Variants in RTTN observed in about 807,000 individuals in gnomAD.
The protein encoded by RTTN is rotatin.
A neutral mutation model predicts 269.2 loss-of-function variants in RTTN; 182 were observed. The observed-to-expected ratio is 0.68, with a 90% CI of 0.60 to 0.76. The LOEUF (loss-of-function observed/expected upper bound fraction) is 0.76. Among genes scored for constraint, RTTN ranks in the 30% least tolerant of loss-of-function variants. The pLI is 0.00. For missense variants in RTTN, 2,545 were observed against 2,608.6 expected (o/e 0.98, Z 0.53); for synonymous variants, 1,006 against 963.5 (o/e 1.04, Z -0.82).
chr18:70,202,967 CT>C (rs35542740), intron 3 of RTTN, among the ~76,000 whole-genome samples: 9,258 of 140,334 alleles, frequency 0.066, 256 homozygotes, highest in Admixed American at 0.11. Flanking sequence ...AGCATCAAAA[CT>C]TTTTTTTTTT....
chr18:70,106,582 A>T (rs902259639), intron 28 of RTTN, among the ~76,000 whole-genome samples: 22 of 152,170 alleles, frequency 1.4e-4, no homozygotes, highest in African/African-American at 5.1e-4. Flanking sequence ...AGTCTTTTTA[A>T]AGTGCATTTT....
intron 8 of RTTN, among the ~76,000 whole-genome samples, chr18:70,192,587 G>A (rs995288697): frequency 8.8e-5 from 13 of 147,522 alleles, no homozygotes; most frequent in African/African-American, 3.0e-4. Context: ...AGGCTGAGGC[G>A]AAAGGATCAC....
intron 43 of RTTN, 69 bp from the exon 44 acceptor site, chr18:70,024,917 A>C: frequency 6.5e-7 from 1 of 1,535,168 alleles, no homozygotes; most frequent in Non-Finnish European, 8.9e-7. Flanking sequence ...AATCAAAACA[A>C]CAACAGAAAG....
chr18:70,092,376 ATTT>A (rs1568364376), intron 29 of RTTN, among the ~76,000 whole-genome samples, 156 bp from the exon 30 acceptor site: 2 of 152,238 alleles, frequency 1.3e-5, no homozygotes, highest in African/African-American at 4.8e-5. Context: ...AAACAAAAAA[ATTT>A]GTTTCTCTTT....
intron 14 of RTTN, among the ~76,000 whole-genome samples, chr18:70,162,304 T>C (rs919945436): frequency 1.3e-5 from 2 of 152,060 alleles, no homozygotes; most frequent in African/African-American, 2.4e-5. Flanking sequence ...AACTAAACAC[T>C]GCGTATACAC....
rs559754166 is a variant in RTTN, at chr18:70,050,619, C to T, written c.5323+792G>A. On this transcript the variant is annotated intron_variant, in intron 39 of 48. Transcript: ENST00000640769. ...AATCATCCTACTGTAAAGACAAATG[C>T]ACACATATGTTTACTGTGGCACTGT... Among the ~76,000 whole-genome samples, 25 of 152,308 alleles carry T rather than the reference C, an allele frequency of 1.6e-4. No individual in the cohort carries two copies. In the South Asian group the frequency reaches 4.8e-3, roughly 29 times the overall value.
At chr18:70,103,584 T>G (rs1248956591) in intron 28 of RTTN, among the ~76,000 whole-genome samples, 1 of 151,748 alleles carries the variant, frequency 6.6e-6, no homozygotes, top group Non-Finnish European at 1.5e-5. Context: ...TCACCACCAC[T>G]CCCTAATCTC....
At chr18:70,182,870 A>C (rs2061451674) in intron 10 of RTTN, among the ~76,000 whole-genome samples, 1 of 152,188 alleles carries the variant, frequency 6.6e-6, no homozygotes, top group Non-Finnish European at 1.5e-5. Context: ...ACTCTACTGA[A>C]ATACAAACAG....
intron 27 of RTTN, among the ~76,000 whole-genome samples, chr18:70,112,576 CT>C (rs1470482401): frequency 6.7e-6 from 1 of 149,318 alleles, no homozygotes; most frequent in South Asian, 2.2e-4. Flanking sequence ...AAGAAGGGCA[CT>C]ACATAATGAT....
At chr18:70,105,721 A>G (rs2059304161) in intron 28 of RTTN, among the ~76,000 whole-genome samples, 1 of 152,204 alleles carries the variant, frequency 6.6e-6, no homozygotes, top group South Asian at 2.1e-4. Flanking sequence ...AACTTGTTTT[A>G]AAAACAATAT....
At chr18:70,166,561 G>A (rs578165108) in intron 13 of RTTN, 82 of 201,240 alleles carry the variant, frequency 4.1e-4, no homozygotes, top group African/African-American at 1.9e-3. Flanking sequence ...TAAGAAAAAG[G>A]TACAAAGTAA....
rs139958653 is a variant in RTTN at position 70,197,842 on chromosome 18, C to A, written c.579-104G>T. 1.0e-3 allele frequency: 725 copies of A among 715,974 alleles called. 3 individuals carry two copies. In the African/African-American group the frequency reaches 0.01, roughly 10 times the overall value. The allele number at this position is 715,974 out of a possible 1,614,324, so 44.4% of individuals were successfully genotyped here. A position where few individuals can be genotyped will look rare whatever the true frequency, so the allele number is the denominator to read the frequency against. ...CCATTAACAATCTTTTGGGTCTCAGCTGAGATATCACTTCTCCAGAAAAGC... is the reference window on the plus strand; with the variant it reads ...CCATTAACAATCTTTTGGGTCTCAGATGAGATATCACTTCTCCAGAAAAGC... On this transcript the variant is annotated intron_variant, in intron 5 of 48. Transcript: ENST00000640769.
At chr18:70,108,353 G>C (rs1175870753) in intron 28 of RTTN, among the ~76,000 whole-genome samples, 1 of 151,386 alleles carries the variant, frequency 6.6e-6, no homozygotes, top group Admixed American at 6.6e-5. Context: ...ATTGTTTCAC[G>C]ATCAAATTCT....
intron 27 of RTTN, 32 bp downstream of exon 27, chr18:70,114,413 T>A: frequency 6.3e-7 from 1 of 1,589,200 alleles, no homozygotes; most frequent in Non-Finnish European, 8.6e-7. Context: ...TCTATATAAA[T>A]GCACCTAAAC....
intron 8 of RTTN, among the ~76,000 whole-genome samples, chr18:70,191,349 T>C (rs950555875): frequency 2.0e-5 from 3 of 152,184 alleles, no homozygotes; most frequent in African/African-American, 4.8e-5. Flanking sequence ...TAAGCAGATT[T>C]ATAGGAAAGC....
chr18:70,109,737 A>C lies in RTTN; in HGVS notation c.3684-20T>G. 2 of 1,598,854 alleles carry C rather than the reference A, an allele frequency of 1.3e-6. No homozygotes were observed. Among genetic ancestry groups the C allele is most frequent in the Non-Finnish European group, 1.7e-6 (2 of 1,166,956 alleles). On this transcript the variant is annotated intron_variant, in intron 27 of 48. Transcript: ENST00000640769. ...CATTTCCTATGTATGCAAAAGAGGG[A>C]AAATCAACCACCAAGAAAGTATAAT...
At chr18:70,086,521 C>T in intron 32 of RTTN, 92 bp downstream of exon 32, 1 of 1,022,430 alleles carries the variant, frequency 9.8e-7, no homozygotes. Context: ...TATATAGTTT[C>T]ATCAATAATG....
intron 25 of RTTN, among the ~76,000 whole-genome samples, chr18:70,125,748 T>C (rs2059848726): frequency 6.6e-6 from 1 of 152,042 alleles, no homozygotes; most frequent in Admixed American, 6.6e-5. Context: ...CTTTAAGCTG[T>C]TGGTTCATCT....
At chr18:70,090,940 C>T (rs2058828494) in intron 30 of RTTN, among the ~76,000 whole-genome samples, 5 of 152,274 alleles carry the variant, frequency 3.3e-5, no homozygotes, top group Admixed American at 3.3e-4. Flanking sequence ...CTTTGCTAGG[C>T]TTTGGACTTG....
Sources: allele counts gnomAD v4.1 joint callset (sites outside exome capture counted in the v4.1 genomes callset), GRCh38; gene constraint gnomAD v4.1.1; transcripts MANE v1.5; gene names NCBI Gene and HGNC (gene_info 2026-07-23, HGNC 2026-07-21).